The following DYNC1LI1 variants were observed in gnomAD, a reference collection of about 807,000 sequenced individuals.
The protein encoded by DYNC1LI1 is dynein cytoplasmic 1 light intermediate chain 1, also known as cytoplasmic dynein 1 light intermediate chain 1.
DYNC1LI1 carries 19 observed loss-of-function variants against 63.8 expected under a neutral mutation model. The ratio of observed to expected loss-of-function variants is 0.30; its 90% CI spans 0.21 to 0.44. The LOEUF is 0.44. Ranked by LOEUF, DYNC1LI1 falls within the 20% of genes least tolerant of loss-of-function variation. The probability of loss-of-function intolerance (pLI) is 1.00; values close to 1 mark genes in which losing one functional copy is unlikely to be tolerated. For synonymous variants in DYNC1LI1, 225 were observed against 232.3 expected (o/e 0.97, Z 0.28); for missense variants, 565 against 630.2 (o/e 0.90, Z 1.11).
At chr3:32,540,951 G>A (rs1225100483) in intron 5 of DYNC1LI1, 86 bp downstream of exon 5, 3 of 989,030 alleles carry the variant, frequency 3.0e-6, no homozygotes, top group East Asian at 2.6e-5. Flanking sequence ...GAGAACTAAT[G>A]TGTTAACTCC....
At chr3:32,554,638 C>T (rs544973039) in intron 2 of DYNC1LI1, among the ~76,000 whole-genome samples, 40 of 152,266 alleles carry the variant, frequency 2.6e-4, no homozygotes, top group African/African-American at 9.1e-4. Flanking sequence ...GTACAACTCC[C>T]TTTAGCTCTT....
At chr3:32,534,754 A>G in intron 6 of DYNC1LI1, 108 bp from the exon 7 acceptor site, 1 of 884,968 alleles carries the variant, frequency 1.1e-6, no homozygotes, top group Non-Finnish European at 1.7e-6. Flanking sequence ...AGTTTCAGAA[A>G]TAACTCCAAA....
intron 4 of DYNC1LI1, among the ~76,000 whole-genome samples, chr3:32,543,556 G>C (rs1697911300): frequency 6.7e-6 from 1 of 149,952 alleles, no homozygotes; most frequent in South Asian, 2.2e-4. Flanking sequence ...CCGCCACCAT[G>C]CTGGGCTAAT....
At chr3:32,553,793 T>G (rs940227132) in intron 2 of DYNC1LI1, among the ~76,000 whole-genome samples, 2 of 152,218 alleles carry the variant, frequency 1.3e-5, no homozygotes, top group African/African-American at 4.8e-5. Flanking sequence ...GTTAAGTACC[T>G]TATCCAAGTT....
chr3:32,570,858 T>G lies in DYNC1LI1; in HGVS notation c.-88A>C. 1.8e-5 allele frequency: 25 copies of G among 1,365,960 alleles called. No individual in the cohort carries two copies. Among genetic ancestry groups the G allele is most frequent in the East Asian group, 9.1e-5 (3 of 32,828 alleles). The allele number at this position is 1,365,960 out of a possible 1,614,324, so 84.6% of individuals were successfully genotyped here. On this transcript the variant is annotated 5_prime_UTR_variant, in exon 1 of 13. Transcript: ENST00000273130. ...GGTGGAGGCGGCGGGAACCCGGATA[T>G]GGGGCGTTCAGCGCACGGGAGCGGG...
Position 32,570,174 on chromosome 3 carries a change from C to T in DYNC1LI1, c.220+172G>A, listed in dbSNP as rs138798207. ...GGGCGGGTCCCCGCAGGTCCTGGGT[C>T]AAGGGTCTCGTGTTCCCCTTCTCTC... On this transcript the variant is annotated intron_variant, in intron 2 of 12. Coordinates refer to ENST00000273130, the MANE Select transcript of DYNC1LI1 (RefSeq NM_016141.4). The T allele has an allele frequency of 3.9e-4, 279 of 716,298 alleles. 2 individuals carry two copies. The East Asian group carries it at 7.2e-3, about 19-fold the overall frequency. The allele number at this position is 716,298 out of a possible 1,614,324, so 44.4% of individuals were successfully genotyped here.
chr3:32,529,166 A>G (rs1697662174), intron 11 of DYNC1LI1, among the ~76,000 whole-genome samples: 2 of 152,226 alleles, frequency 1.3e-5, no homozygotes, highest in Admixed American at 6.5e-5. Flanking sequence ...CCAAAGGCAT[A>G]AAAACATAAA....
At chr3:32,559,895 C>T (rs1222215282) in intron 2 of DYNC1LI1, among the ~76,000 whole-genome samples, 4 of 152,184 alleles carry the variant, frequency 2.6e-5, no homozygotes, top group African/African-American at 9.7e-5. Flanking sequence ...TGGCGTACAT[C>T]TTCTGCATGG....
At chr3:32,542,100 G>T (rs928471482) in intron 4 of DYNC1LI1, among the ~76,000 whole-genome samples, 12 of 152,030 alleles carry the variant, frequency 7.9e-5, no homozygotes, top group African/African-American at 2.9e-4. Flanking sequence ...AAAAATACTG[G>T]GAAAAATACA....
At chr3:32,537,706 TG>T (rs1230125612) in intron 5 of DYNC1LI1, among the ~76,000 whole-genome samples, 4 of 149,642 alleles carry the variant, frequency 2.7e-5, no homozygotes, top group African/African-American at 7.4e-5. Context: ...TACAGAAAAA[TG>T]CTAAGAAAAA....
intron 5 of DYNC1LI1, 32 bp from the exon 6 acceptor site, chr3:32,537,136 T>A: frequency 8.3e-7 from 1 of 1,212,074 alleles, no homozygotes; most frequent in South Asian, 1.5e-5. Context: ...AAATAATACA[T>A]TTAAAATAAT....
chr3:32,539,530 CTAT>C (rs564751442), intron 5 of DYNC1LI1, among the ~76,000 whole-genome samples: 20 of 150,944 alleles, frequency 1.3e-4, no homozygotes, highest in Admixed American at 4.0e-4. Context: ...TGAAATTGAT[CTAT>C]TATTATTATT....
At chr3:32,539,933 C>T (rs1206395518) in intron 5 of DYNC1LI1, among the ~76,000 whole-genome samples, 2 of 151,652 alleles carry the variant, frequency 1.3e-5, no homozygotes, top group South Asian at 2.1e-4. Flanking sequence ...GGCGCAATCT[C>T]GGCTCACTGC....
intron 1 of DYNC1LI1, 78 bp downstream of exon 1, chr3:32,570,547 C>T (rs1698334350): frequency 1.3e-6 from 2 of 1,511,562 alleles, no homozygotes; most frequent in South Asian, 2.5e-5. Flanking sequence ...CGCCGAGCTC[C>T]AGCGGGCACG....
intron 4 of DYNC1LI1, among the ~76,000 whole-genome samples, chr3:32,541,947 T>C (rs892533955): frequency 6.6e-6 from 1 of 152,134 alleles, no homozygotes; most frequent in African/African-American, 2.4e-5. Flanking sequence ...GTCTATAGCA[T>C]AGGATTAAAA....
chr3:32,561,400 A>G (rs1329226807), intron 2 of DYNC1LI1, among the ~76,000 whole-genome samples: 8 of 151,994 alleles, frequency 5.3e-5, no homozygotes, highest in Non-Finnish European at 7.4e-5. Flanking sequence ...AGGCTGAGGT[A>G]GGCAGATCAT....
At chr3:32,552,281 T>C (rs1698053385) in intron 2 of DYNC1LI1, among the ~76,000 whole-genome samples, 1 of 152,194 alleles carries the variant, frequency 6.6e-6, no homozygotes, top group Non-Finnish European at 1.5e-5. Flanking sequence ...TTACTATTCA[T>C]TCATTCATTC....
intron 5 of DYNC1LI1, among the ~76,000 whole-genome samples, chr3:32,538,930 A>C (rs1467056936): frequency 6.6e-6 from 1 of 152,176 alleles, no homozygotes; most frequent in Non-Finnish European, 1.5e-5. Context: ...CTTAGATTTT[A>C]TGAAATACAG....
intron 5 of DYNC1LI1, among the ~76,000 whole-genome samples, chr3:32,539,418 T>C (rs1475071396): frequency 2.0e-5 from 3 of 152,164 alleles, no homozygotes; most frequent in African/African-American, 4.8e-5. Flanking sequence ...ATAAAAGGCA[T>C]TAATTTCAGG....
Sources: allele counts gnomAD v4.1 joint callset (sites outside exome capture counted in the v4.1 genomes callset), GRCh38; gene constraint gnomAD v4.1.1; transcripts MANE v1.5; gene names NCBI Gene and HGNC (gene_info 2026-07-23, HGNC 2026-07-21).